The following RNF17 variants were observed in gnomAD, a reference collection of about 807,000 sequenced individuals.
RNF17 encodes spermatogenesis associated 23.
A neutral mutation model predicts 200.5 loss-of-function variants in RNF17; 31 were observed. That is an observed-to-expected ratio of 0.15 (90% CI 0.12 to 0.21). The LOEUF is 0.21. Ranked by LOEUF, RNF17 falls within the 10% of genes least tolerant of loss-of-function variation. The pLI, the probability that RNF17 is intolerant of heterozygous loss-of-function variation, is 1.00. For missense variants in RNF17, 1,628 were observed against 1,905.1 expected (o/e 0.85, Z 2.71); for synonymous variants, 606 against 637.8 (o/e 0.95, Z 0.75).
At chr13:24,758,088 A>G in the RNF17 span, among the ~76,000 whole-genome samples, 2 of 152,328 alleles carry the variant, frequency 1.3e-5, no homozygotes, top group East Asian at 3.9e-4. Flanking sequence ...CCTCCCTGGA[A>G]GAATCCACTA....
rs758278977 is a variant in RNF17, at chr13:24,870,749, C to G, written c.4447+10C>G. ...ACGGATTTTAGAACAGGTATACTTA[C>G]TATATTTGAATGAAACAGGATACTT... On this transcript the variant is annotated intron_variant, in intron 32 of 35. Transcript: ENST00000255324. 4.3e-6 allele frequency: 7 copies of G among 1,609,950 alleles called. No individual in the cohort carries two copies. The African/African-American group carries it at 9.4e-5, about 22-fold the overall frequency.
intron 26 of RNF17, 22 bp downstream of exon 26, chr13:24,859,186 G>A (rs1352038138): frequency 6.5e-7 from 1 of 1,548,332 alleles, no homozygotes; most frequent in Non-Finnish European, 8.8e-7. Context: ...ATTCTTTTGT[G>A]ACAATTCTAA....
Position 24,850,327 on chromosome 13 carries a change from GT to G in RNF17, c.3102-10del. 1 of 1,581,564 alleles carries G rather than the reference GT, an allele frequency of 6.3e-7. No homozygotes were observed. Among genetic ancestry groups the G allele is most frequent in the Non-Finnish European group, 8.7e-7 (1 of 1,152,252 alleles). On this transcript the variant is annotated splice_polypyrimidine_tract_variant and intron_variant, in intron 22 of 35. Transcript: ENST00000255324. The stretch of plus-strand genomic sequence containing the variant: ...TATTTTTATAAAACAAGTTGCCACT[GT>G]TTTCTGTTGTAGACCAGCTGGTGGG...
At position 24,844,697 on chromosome 13, in the gene RNF17, A is replaced by G. The variant is rs757750906; in HGVS notation, c.2877A>G (p.Glu959=). The part of the protein sequence containing the change: ...MIAAYENSKW[E]PVKWENDMHC... Reference sequence around the variant, plus strand: ...CTGCTTATGAAAACTCAAAATGGGAACCTGTTAAATGGGAAAATGATATGC... The same window carrying G: ...CTGCTTATGAAAACTCAAAATGGGAGCCTGTTAAATGGGAAAATGATATGC... The change falls in exon 21 of 36, where the codon GAA becomes GAG. Residue 959 remains glutamate (E), a synonymous_variant. Transcript: ENST00000255324. The G allele has an allele frequency of 9.3e-6, 15 of 1,610,938 alleles. No individual in the cohort carries two copies. Among genetic ancestry groups the G allele is most frequent in the Non-Finnish European group, 1.3e-5 (15 of 1,177,502 alleles).
intron 15 of RNF17, among the ~76,000 whole-genome samples, chr13:24,812,232 T>G (rs1422606770): frequency 1.3e-5 from 2 of 150,790 alleles, no homozygotes; most frequent in African/African-American, 4.8e-5. Context: ...CGGGCGCCCC[T>G]CCCCCAGCCT....
chr13:24,847,278 G>T (rs1412905012), intron 22 of RNF17, among the ~76,000 whole-genome samples: 13 of 151,858 alleles, frequency 8.6e-5, no homozygotes, highest in Admixed American at 8.5e-4. Flanking sequence ...CTTACCCAAA[G>T]TTATCTATAT....
intron 2 of RNF17, among the ~76,000 whole-genome samples, chr13:24,770,846 A>T (rs1334259483): frequency 2.6e-5 from 4 of 152,110 alleles, no homozygotes; most frequent in Non-Finnish European, 4.4e-5. Flanking sequence ...TAGTTTTAAA[A>T]TTTTTTTCAC....
At chr13:24,885,608 G>C in the RNF17 span, 1 of 1,602,452 alleles carries the variant, frequency 6.2e-7, no homozygotes, top group Non-Finnish European at 8.6e-7. Context: ...AGATTTACTT[G>C]TCCCTTATCC....
the RNF17 span, among the ~76,000 whole-genome samples, chr13:24,754,053 G>A: frequency 1.3e-5 from 2 of 151,978 alleles, no homozygotes; most frequent in African/African-American, 4.8e-5. Flanking sequence ...AGCTACTTGG[G>A]AGGCTGAGGC....
chr13:24,882,252 C>CTA (rs1160393801), downstream of RNF17: 2 of 126,858 alleles, frequency 1.6e-5, no homozygotes, highest in African/African-American at 5.5e-5. Context: ...ATAGATACAT[C>CTA]TATATATAGA....
At chr13:24,774,146 T>C (rs1881213237) in intron 2 of RNF17, among the ~76,000 whole-genome samples, 2 of 152,240 alleles carry the variant, frequency 1.3e-5, no homozygotes, top group African/African-American at 4.8e-5. Context: ...TTGAACCACA[T>C]GATTTTAAAA....
intron 25 of RNF17, among the ~76,000 whole-genome samples, chr13:24,854,422 T>C (rs1361602417): frequency 6.6e-6 from 1 of 152,174 alleles, no homozygotes; most frequent in East Asian, 1.9e-4. Flanking sequence ...TTTCCACTAC[T>C]ATGGCAGATG....
intron 18 of RNF17, among the ~76,000 whole-genome samples, chr13:24,833,265 AT>A (rs1359597258): frequency 2.0e-5 from 3 of 152,200 alleles, no homozygotes; most frequent in African/African-American, 7.2e-5. Context: ...CTAGAAATGA[AT>A]TGCTCAAAGT....
chr13:24,849,153 T>C (rs1357432837), intron 22 of RNF17, among the ~76,000 whole-genome samples: 1 of 152,364 alleles, frequency 6.6e-6, no homozygotes, highest in East Asian at 1.9e-4. Context: ...AATGAGGCCC[T>C]GTCTCTTAAA....
At chr13:24,803,111 G>A (rs570885312) in intron 14 of RNF17, among the ~76,000 whole-genome samples, 40 of 139,042 alleles carry the variant, frequency 2.9e-4, no homozygotes, top group Middle Eastern at 7.1e-3. Context: ...TATAAAGTAT[G>A]TATAAATACC....
At chr13:24,750,904 T>TC in the RNF17 span, 3 of 152,254 alleles carry the variant, frequency 2.0e-5, no homozygotes, top group African/African-American at 7.2e-5. Flanking sequence ...AGATATCCAC[T>TC]CGTCTACATA....
downstream of RNF17, among the ~76,000 whole-genome samples, chr13:24,881,910 AGATAC>A (rs375320483): frequency 4.8e-3 from 375 of 77,718 alleles, no homozygotes; most frequent in Non-Finnish European, 7.8e-3. Context: ...ATAGATATAT[AGATAC>A]ATCTATATAG....
At chr13:24,803,630 A>G (rs529902924) in intron 14 of RNF17, 1 of 152,326 alleles carries the variant, frequency 6.6e-6, no homozygotes, top group Non-Finnish European at 1.5e-5. Flanking sequence ...GTAGTCAAAG[A>G]TTCTAATTTT....
chr13:24,887,376 G>A, the RNF17 span, among the ~76,000 whole-genome samples: 52 of 152,300 alleles, frequency 3.4e-4, no homozygotes, highest in Admixed American at 9.2e-4. Context: ...GCGAGCCAGC[G>A]AAGCTTCATC....
Sources: allele counts gnomAD v4.1 joint callset (sites outside exome capture counted in the v4.1 genomes callset), GRCh38; gene constraint gnomAD v4.1.1; transcripts MANE v1.5; gene names NCBI Gene and HGNC (gene_info 2026-07-23, HGNC 2026-07-21).